SPOCK3: variants seen among roughly 807,000 people sequenced by gnomAD.
SPOCK3 encodes the protein testican-3.
In SPOCK3, 30 loss-of-function variants were observed where a neutral mutation model predicts 56.6. The ratio of observed to expected loss-of-function variants is 0.53; its 90% CI spans 0.40 to 0.72. The LOEUF (loss-of-function observed/expected upper bound fraction) is 0.72, where lower values mean the gene tolerates loss of function less well. SPOCK3 is among the 30% of genes least tolerant of loss of function. SPOCK3 has a pLI of 0.00. For missense variants in SPOCK3, 527 were observed against 530.0 expected, an observed-to-expected ratio of 0.99 and a Z score of 0.06; for synonymous variants, 196 against 183.3, an observed-to-expected ratio of 1.07 and a Z score of -0.56.
rs199581188 is a variant in SPOCK3, at chr4:167,072,334, C to CT, written c.190-9798dup. 7.4e-3 allele frequency among the ~76,000 whole-genome samples: 1,118 copies of CT among 151,952 alleles called. 11 individuals carry two copies. The highest frequency in any genetic ancestry group is 0.011 in the Non-Finnish European group (770 of 67,890). On this transcript the variant is annotated intron_variant, in intron 2 of 10. Coordinates refer to ENST00000357545, the MANE Select transcript of SPOCK3 (RefSeq NM_001040159.2). ...AAATAAAGTTTTATTAGCCACACCC[C>CT]TTTTTTTTACATGTTATAACTGCTT...
rs1163125869 is a variant in SPOCK3, at chr4:167,146,783, C to A, written c.190-84246G>T. On this transcript the variant is annotated intron_variant, in intron 2 of 10. Transcript: ENST00000357545. Reference sequence around the variant, plus strand: ...CCAATGAGAACAAAGACACAACGTACCAGAATTTCTGGGACACATTTAAAG... The same window carrying A: ...CCAATGAGAACAAAGACACAACGTAACAGAATTTCTGGGACACATTTAAAG... Among the ~76,000 whole-genome samples the A allele has an allele frequency of 2.6e-4, 39 of 152,010 alleles. 1 individual carries two copies. Among genetic ancestry groups the A allele is most frequent in the Admixed American group, 2.5e-3 (38 of 15,252 alleles).
intron 3 of SPOCK3, among the ~76,000 whole-genome samples, chr4:167,028,220 T>C (rs1022968300): frequency 5.1e-5 from 7 of 136,980 alleles, no homozygotes; most frequent in African/African-American, 2.2e-4. Context: ...GACCCTGTCT[T>C]TACATTTTTT....
intron 4 of SPOCK3, among the ~76,000 whole-genome samples, chr4:166,988,726 T>C (rs746390194): frequency 1.8e-4 from 28 of 152,256 alleles, no homozygotes; most frequent in Admixed American, 5.9e-4. Flanking sequence ...CAATTATTAC[T>C]GGTATAGCCT....
intron 3 of SPOCK3, among the ~76,000 whole-genome samples, chr4:167,023,063 C>A (rs1319248521): frequency 6.6e-6 from 1 of 151,972 alleles, no homozygotes; most frequent in Non-Finnish European, 1.5e-5. Context: ...AGAGACTATG[C>A]ACAGGAATTT....
intron 4 of SPOCK3, among the ~76,000 whole-genome samples, chr4:166,986,999 G>T (rs1747241633): frequency 6.6e-6 from 1 of 152,046 alleles, no homozygotes; most frequent in South Asian, 2.1e-4. Flanking sequence ...TTTAACTGTT[G>T]CTTCTCACAG....
intron 4 of SPOCK3, chr4:166,918,381 A>T (rs1045546926): frequency 6.6e-6 from 1 of 152,162 alleles, no homozygotes; most frequent in African/African-American, 2.4e-5. Flanking sequence ...GAATGCAAAA[A>T]AGTATTCTGT....
intron 4 of SPOCK3, among the ~76,000 whole-genome samples, chr4:166,986,400 C>T (rs761092347): frequency 7.9e-5 from 12 of 152,006 alleles, no homozygotes; most frequent in Non-Finnish European, 1.3e-4. Flanking sequence ...GATGGGACTC[C>T]CAATGATATC....
In SPOCK3 at chr4:166,942,577, ATT is replaced by A. The variant is rs1741225859; in HGVS notation, c.351-29836_351-29835del. 3.3e-5 allele frequency among the ~76,000 whole-genome samples: 5 copies of A among 152,144 alleles called. No individual in the cohort carries two copies. In the South Asian group the frequency reaches 1.0e-3, roughly 32 times the overall value. ...ATCCTTTCCCTCAAAACAACCTCCA[ATT>A]TTCATAGAACACTATATATATTTCA... On this transcript the variant is annotated intron_variant, in intron 4 of 10. Coordinates refer to ENST00000357545, the MANE Select transcript of SPOCK3 (RefSeq NM_001040159.2).
rs1456823796 is a variant in SPOCK3, at chr4:166,950,446, T to A, written c.351-37703A>T. On this transcript the variant is annotated intron_variant, in intron 4 of 10. Coordinates refer to ENST00000357545, the MANE Select transcript of SPOCK3 (RefSeq NM_001040159.2). The stretch of plus-strand genomic sequence containing the variant: ...CCAGATTCATAAAGCAAGTCCTGAG[T>A]GACCTACAAAGAGACTTAGACTCCC... Among the ~76,000 whole-genome samples the A allele has an allele frequency of 2.6e-5, 4 of 151,676 alleles. No individual in the cohort carries two copies. In the East Asian group the frequency reaches 7.8e-4, roughly 29 times the overall value.
At chr4:166,742,600 C>T (rs11929833) in intron 8 of SPOCK3, among the ~76,000 whole-genome samples, 69,785 of 151,758 alleles carry the variant, frequency 0.46, 16,554 homozygotes, top group African/African-American at 0.51. Flanking sequence ...ATGTTAAAGA[C>T]CTTATTATAA....
intron 6 of SPOCK3, among the ~76,000 whole-genome samples, chr4:166,867,252 A>T (rs1359389495): frequency 6.6e-6 from 1 of 152,036 alleles, no homozygotes; most frequent in African/African-American, 2.4e-5. Context: ...AATAATAATA[A>T]CTATAAAGAT....
chr4:167,123,245 T>C (rs961292250), intron 2 of SPOCK3, among the ~76,000 whole-genome samples: 1 of 152,132 alleles, frequency 6.6e-6, no homozygotes, highest in African/African-American at 2.4e-5. Flanking sequence ...GATTTTTATA[T>C]ATGAATGATA....
chr4:167,109,422 T>TATATATGATAAATATATATATAA (rs1561225556), intron 2 of SPOCK3, among the ~76,000 whole-genome samples: 4 of 69,968 alleles, frequency 5.7e-5, no homozygotes, highest in Non-Finnish European at 8.4e-5. Flanking sequence ...TATATATAAA[T>TATATATGATAAATATATATATAA]ATATATATGA....
chr4:166,961,167 C>T (rs1203969136), intron 4 of SPOCK3, among the ~76,000 whole-genome samples: 1 of 151,526 alleles, frequency 6.6e-6, no homozygotes, highest in East Asian at 1.9e-4. Context: ...AATCTAATCA[C>T]ATTTATACCC....
At chr4:167,015,711 T>C (rs1412466058) in intron 3 of SPOCK3, among the ~76,000 whole-genome samples, 1 of 152,142 alleles carries the variant, frequency 6.6e-6, no homozygotes, top group Non-Finnish European at 1.5e-5. Context: ...TTGACTGCCA[T>C]CTACTTAGGC....
At chr4:166,813,767 T>G (rs1414569283) in intron 6 of SPOCK3, among the ~76,000 whole-genome samples, 1 of 151,884 alleles carries the variant, frequency 6.6e-6, no homozygotes, top group Non-Finnish European at 1.5e-5. Context: ...TGTACCAAAA[T>G]AAACTCATAT....
chr4:167,016,310 C>A (rs1750608841), intron 3 of SPOCK3, among the ~76,000 whole-genome samples: 2 of 151,948 alleles, frequency 1.3e-5, no homozygotes, highest in Non-Finnish European at 2.9e-5. Context: ...GAATCTGAAA[C>A]ATGAGATTCC....
chr4:166,878,113 T>TA (rs1409183976), intron 6 of SPOCK3, among the ~76,000 whole-genome samples: 13 of 151,642 alleles, frequency 8.6e-5, no homozygotes, highest in East Asian at 1.9e-4. Context: ...CCATCTCTAC[T>TA]AAAAAAAATA....
chr4:167,158,691 C>T (rs78064139), intron 2 of SPOCK3, among the ~76,000 whole-genome samples: 135 of 152,054 alleles, frequency 8.9e-4, no homozygotes, highest in Non-Finnish European at 1.5e-3. Flanking sequence ...TTCAAAGAAA[C>T]TCTATTTACT....
Sources: gnomAD v4.1 joint callset for allele counts (sites outside exome capture counted in the v4.1 genomes callset) on GRCh38, gnomAD v4.1.1 for gene constraint, MANE v1.5 for transcripts, NCBI Gene and HGNC (gene_info 2026-07-23, HGNC 2026-07-21) for gene names.